The following PCDHA5 variants were observed in gnomAD, a reference collection of about 807,000 sequenced individuals.
The protein encoded by PCDHA5 is protocadherin alpha-5.
Under a neutral mutation model 61.6 loss-of-function variants are expected in PCDHA5, and 43 were observed. That is an observed-to-expected ratio of 0.70 (90% CI 0.55 to 0.90). The LOEUF (loss-of-function observed/expected upper bound fraction) is 0.90. Ranked by LOEUF, PCDHA5 falls within the 40% of genes least tolerant of loss-of-function variation. The pLI, the probability that PCDHA5 is intolerant of heterozygous loss-of-function variation, is 0.00. For synonymous variants in PCDHA5, 627 were observed against 543.9 expected, an observed-to-expected ratio of 1.15 and a Z score of -2.13; for missense variants, 1,298 against 1,222.7, an observed-to-expected ratio of 1.06 and a Z score of -0.92.
At chr5:140,929,459 G>A in intron 1 of PCDHA5, 1 of 1,350,080 alleles carries the variant, frequency 7.4e-7, no homozygotes. Flanking sequence ...CACTTCCTGT[G>A]CCAAGAAATC....
chr5:140,869,977 T>C (rs2051552630), intron 1 of PCDHA5: 1 of 1,613,234 alleles, frequency 6.2e-7, no homozygotes, highest in Non-Finnish European at 8.5e-7. Flanking sequence ...AAGACACTTA[T>C]TTACACTAGA....
intron 1 of PCDHA5, among the ~76,000 whole-genome samples, chr5:140,923,952 C>T (rs1313695833): frequency 5.9e-5 from 9 of 152,178 alleles, no homozygotes; most frequent in Non-Finnish European, 1.0e-4. Context: ...TTTCCTCACG[C>T]CCTAATCTAT....
At chr5:140,868,636 TCTCA>T (rs1554162146) in intron 1 of PCDHA5, 1 of 156,044 alleles carries the variant, frequency 6.4e-6, no homozygotes, top group East Asian at 1.9e-4. Flanking sequence ...TCTCTTTCTC[TCTCA>T]CTCTGTGTAT....
chr5:140,996,301 AC>A (rs1306218777), intron 3 of PCDHA5, among the ~76,000 whole-genome samples: 1 of 152,240 alleles, frequency 6.6e-6, no homozygotes, highest in African/African-American at 2.4e-5. Context: ...ACAGATTGTA[AC>A]AAAGTAAGGG....
chr5:141,000,223 G>C (rs1190945878), intron 3 of PCDHA5, among the ~76,000 whole-genome samples: 1 of 151,642 alleles, frequency 6.6e-6, no homozygotes, highest in African/African-American at 2.4e-5. Context: ...AAATGCCTGT[G>C]TGGAGCTGAA....
intron 1 of PCDHA5, chr5:140,829,834 G>T (rs1263397985): frequency 6.2e-7 from 1 of 1,613,928 alleles, no homozygotes. Flanking sequence ...GCGAGCTGGT[G>T]CCGCGGTCAC....
chr5:140,906,957 G>T (rs1301709159), intron 1 of PCDHA5, among the ~76,000 whole-genome samples: 2 of 152,144 alleles, frequency 1.3e-5, no homozygotes, highest in Admixed American at 6.5e-5. Flanking sequence ...CCAGTTTAAT[G>T]GAATCGTGGT....
At chr5:140,954,844 C>T (rs1195160424) in intron 1 of PCDHA5, among the ~76,000 whole-genome samples, 1 of 152,070 alleles carries the variant, frequency 6.6e-6, no homozygotes, top group African/African-American at 2.4e-5. Flanking sequence ...GAAATCTTTG[C>T]CTGTGCCTAT....
In PCDHA5 at chr5:140,882,900, T is replaced by C. The variant is rs151159619; in HGVS notation, c.2352+58773T>C. 8.7e-6 allele frequency: 14 copies of C among 1,614,106 alleles called. No individual in the cohort carries two copies. In the African/African-American group the frequency reaches 1.2e-4, roughly 14 times the overall value. The stretch of plus-strand genomic sequence containing the variant: ...GAGGAAATTCAGGAACATAGTTTAT[T>C]ACTGACAGCCAGTGATGGAGGTAAA... On this transcript the variant is annotated intron_variant, in intron 1 of 3. Transcript: ENST00000529859.
chr5:140,836,011 C>A (rs2150250556), intron 1 of PCDHA5: 3 of 1,613,394 alleles, frequency 1.9e-6, no homozygotes, highest in Non-Finnish European at 8.5e-7. Flanking sequence ...GCGGGCGTGC[C>A]GCCTCTGGGC....
Position 140,872,869 on chromosome 5 carries a change from T to G in PCDHA5, c.2352+48742T>G, listed in dbSNP as rs192241401. On this transcript the variant is annotated intron_variant, in intron 1 of 3. Coordinates refer to ENST00000529859, the MANE Select transcript of PCDHA5 (RefSeq NM_018908.3). ...ATTAATGTGAGTACCTACTGACAAT[T>G]ATCAGTTTCATTCATCTCACTTTGT... is the stretch of plus-strand genomic sequence containing the variant. 4.6e-5 allele frequency among the ~76,000 whole-genome samples: 7 copies of G among 152,364 alleles called. No individual in the cohort carries two copies. In the East Asian group the frequency reaches 1.3e-3, roughly 29 times the overall value.
At chr5:140,968,245 C>T (rs2096233117) in intron 1 of PCDHA5, 2 of 1,614,038 alleles carry the variant, frequency 1.2e-6, no homozygotes, top group Non-Finnish European at 1.7e-6. Flanking sequence ...CTGTGCAAGC[C>T]ACAGACCCAG....
chr5:140,993,526 A>G (rs1554253825), intron 3 of PCDHA5, among the ~76,000 whole-genome samples: 1 of 147,824 alleles, frequency 6.8e-6, no homozygotes, highest in Admixed American at 6.7e-5. Flanking sequence ...AGAGAGACAG[A>G]GAGAGAGAGA....
rs369328632 is a variant in PCDHA5, at chr5:140,856,073, G to A, written c.2352+31946G>A. On this transcript the variant is annotated intron_variant, in intron 1 of 3. Transcript: ENST00000529859. ...GATGGTTTCCAGATGTAGCTGCCTG[G>A]GGGTCCAGTGTCTGCTGCTCTCGCT... The A allele has an allele frequency of 1.9e-6, 3 of 1,592,028 alleles. 1 individual carries two copies. Among genetic ancestry groups the A allele is most frequent in the Non-Finnish European group, 2.6e-6 (3 of 1,163,816 alleles).
chr5:140,999,183 AG>A (rs1233229901), intron 3 of PCDHA5, among the ~76,000 whole-genome samples: 2 of 152,200 alleles, frequency 1.3e-5, no homozygotes, highest in East Asian at 1.9e-4. Flanking sequence ...TGATGGGGAG[AG>A]GGTCCTTGGA....
intron 1 of PCDHA5, among the ~76,000 whole-genome samples, chr5:140,926,182 C>T (rs1041630365): frequency 2.6e-5 from 4 of 151,858 alleles, no homozygotes; most frequent in South Asian, 2.2e-4. Flanking sequence ...CGGAAAGCCC[C>T]CCGCAGCACT....
At position 140,822,730 on chromosome 5, in the gene PCDHA5, A is replaced by G. The variant is rs2150118884; in HGVS notation, c.955A>G (p.Ile319Val). The G allele has an allele frequency of 2.5e-6, 4 of 1,613,236 alleles. No individual in the cohort carries two copies. The Admixed American group carries it at 5.0e-5, about 20-fold the overall frequency. Residue 319 changes from isoleucine to valine, a missense_variant, in exon 1 of 4, where the codon ATT becomes GTT. Transcript: ENST00000529859. ...YEDYNSYEIN[I>V]DAMDKSTFPL... Reference sequence around the variant, plus strand: ...AGACTATAACTCATATGAAATTAATATTGATGCCATGGATAAAAGTACATT... The same window carrying G: ...AGACTATAACTCATATGAAATTAATGTTGATGCCATGGATAAAAGTACATT...
Position 140,836,307 on chromosome 5 carries a change from G to A in PCDHA5, c.2352+12180G>A, listed in dbSNP as rs148995786. 8.6e-5 allele frequency: 139 copies of A among 1,613,622 alleles called. 1 individual carries two copies. The highest frequency in any genetic ancestry group is 1.3e-4 in the Admixed American group (8 of 60,000). On this transcript the variant is annotated intron_variant, in intron 1 of 3. Coordinates refer to ENST00000529859, the MANE Select transcript of PCDHA5 (RefSeq NM_018908.3). ...GACACGAGCCCTAGATGAGACGGAC[G>A]CACCGCGCCACCGCCTTCTGGTGCT... is the stretch of plus-strand genomic sequence containing the variant.
At chr5:140,967,921 C>G (rs781932025) in intron 1 of PCDHA5, 1 of 1,614,172 alleles carries the variant, frequency 6.2e-7, no homozygotes, top group East Asian at 2.2e-5. Flanking sequence ...CCATTGTGGC[C>G]GTTCTCAGTG....
Sources: gnomAD v4.1 joint callset for allele counts (sites outside exome capture counted in the v4.1 genomes callset) on GRCh38, gnomAD v4.1.1 for gene constraint, MANE v1.5 for transcripts, NCBI Gene and HGNC (gene_info 2026-07-23, HGNC 2026-07-21) for gene names.